The following SOX5 variants were observed in gnomAD, a reference collection of about 807,000 sequenced individuals.
The protein encoded by SOX5 is SRY-box transcription factor 5.
In SOX5, 9 loss-of-function variants were observed where a neutral mutation model predicts 92.0. The ratio of observed to expected loss-of-function variants is 0.10; its 90% CI spans 0.06 to 0.17. The LOEUF (loss-of-function observed/expected upper bound fraction) is 0.17, where lower values mean the gene tolerates loss of function less well. Ranked by LOEUF, SOX5 falls within the 10% of genes least tolerant of loss-of-function variation. SOX5 has a pLI of 1.00. For missense variants in SOX5, 642 were observed against 944.5 expected, an observed-to-expected ratio of 0.68 and a Z score of 4.20; for synonymous variants, 344 against 336.3, an observed-to-expected ratio of 1.02 and a Z score of -0.25.
chr12:23,781,203 T>C (rs2095271737), intron 3 of SOX5, among the ~76,000 whole-genome samples: 1 of 151,996 alleles, frequency 6.6e-6, no homozygotes, highest in Non-Finnish European at 1.5e-5. Context: ...AGCTCAACTT[T>C]TCTGTACTTC....
chr12:24,168,720 T>C (rs999009426), intron 4 of SOX5, among the ~76,000 whole-genome samples: 1 of 152,032 alleles, frequency 6.6e-6, no homozygotes, highest in Non-Finnish European at 1.5e-5. Flanking sequence ...TAATAGAGAA[T>C]AGAATTAGTA....
intron 2 of SOX5, among the ~76,000 whole-genome samples, chr12:24,339,521 T>TG (rs1437823742): frequency 3.3e-5 from 5 of 152,144 alleles, no homozygotes; most frequent in African/African-American, 1.2e-4. Flanking sequence ...TGTTAGAGAT[T>TG]GGGGGACTTA....
chr12:24,296,104 A>C (rs1220398586), intron 2 of SOX5, among the ~76,000 whole-genome samples: 2 of 152,128 alleles, frequency 1.3e-5, no homozygotes, highest in Non-Finnish European at 2.9e-5. Context: ...GTGCTGAAAA[A>C]CTTCATAATC....
chr12:24,415,011 G>C (rs1964775093), intron 1 of SOX5, among the ~76,000 whole-genome samples: 1 of 152,146 alleles, frequency 6.6e-6, no homozygotes, highest in Non-Finnish European at 1.5e-5. Context: ...GAAAGGGAAA[G>C]ACATGTAAAA....
At chr12:23,779,390 A>G (rs1044084110) in intron 3 of SOX5, among the ~76,000 whole-genome samples, 3 of 149,758 alleles carry the variant, frequency 2.0e-5, no homozygotes, top group African/African-American at 4.9e-5. Flanking sequence ...GAAATGTGCT[A>G]TCTAGTATGT....
chr12:23,550,436 A>T (rs1943972195), intron 11 of SOX5, among the ~76,000 whole-genome samples: 1 of 151,964 alleles, frequency 6.6e-6, no homozygotes, highest in South Asian at 2.1e-4. Flanking sequence ...AAATTTTAAG[A>T]TAGATATACT....
At chr12:23,849,201 C>T (rs1200137486) in intron 2 of SOX5, among the ~76,000 whole-genome samples, 1 of 152,134 alleles carries the variant, frequency 6.6e-6, no homozygotes, top group African/African-American at 2.4e-5. Flanking sequence ...GACATTTCAT[C>T]CTTGACTTCT....
rs141908422 is a variant in SOX5 at position 24,117,623 on chromosome 12, T to C, written c.-2+95720A>G. The stretch of plus-strand genomic sequence containing the variant: ...AAATATGGGATTATACACAGTAGCA[T>C]ACTATCCAGCGTTAGAATAGAAGGA... On this transcript the variant is annotated intron_variant, in intron 4 of 4. Transcript: ENST00000446891. 3.6e-3 allele frequency among the ~76,000 whole-genome samples: 553 copies of C among 152,278 alleles called. 1 individual carries two copies. Among genetic ancestry groups the C allele is most frequent in the Middle Eastern group, 0.014 (4 of 294 alleles).
chr12:23,652,569 C>G (rs1251185344), intron 7 of SOX5, among the ~76,000 whole-genome samples: 1 of 148,948 alleles, frequency 6.7e-6, no homozygotes, highest in Non-Finnish European at 1.5e-5. Flanking sequence ...ATAAGCTCCA[C>G]CTTCACATGT....
intron 4 of SOX5, among the ~76,000 whole-genome samples, chr12:24,036,838 A>T (rs1437966492): frequency 1.3e-5 from 2 of 152,210 alleles, no homozygotes; most frequent in African/African-American, 4.8e-5. Context: ...TAATGTTGGT[A>T]AACATATATA....
chr12:23,644,706 A>G (rs1447516850), intron 7 of SOX5, among the ~76,000 whole-genome samples: 4 of 152,244 alleles, frequency 2.6e-5, no homozygotes, highest in Non-Finnish European at 5.9e-5. Context: ...CCAATATTAC[A>G]TAATGGTGCT....
At chr12:23,919,748 A>G (rs1162398998) in intron 1 of SOX5, among the ~76,000 whole-genome samples, 3 of 152,148 alleles carry the variant, frequency 2.0e-5, no homozygotes, top group Admixed American at 6.5e-5. Context: ...TGAGCCTTTC[A>G]CCTCACAGTC....
intron 11 of SOX5, among the ~76,000 whole-genome samples, chr12:23,558,802 C>T (rs538109734): frequency 1.8e-4 from 27 of 152,238 alleles, no homozygotes; most frequent in East Asian, 1.5e-3. Context: ...GGGGTTTCTC[C>T]GTATTGGTCA....
In SOX5 at chr12:23,987,027, G is replaced by T. The variant is rs370329338; in HGVS notation, c.-1-91003C>A. Reference sequence around the variant, plus strand: ...GTAGTAGAGTTCAGTTCATTAACAGGTTTTACTTGCTATACATTTAAAAGA... The same window carrying T: ...GTAGTAGAGTTCAGTTCATTAACAGTTTTTACTTGCTATACATTTAAAAGA... On this transcript the variant is annotated intron_variant, in intron 4 of 4. Transcript: ENST00000446891. Among the ~76,000 whole-genome samples the T allele has an allele frequency of 6.6e-5, 10 of 152,200 alleles. No homozygotes were observed. The East Asian group carries it at 1.2e-3, about 18-fold the overall frequency.
chr12:24,336,938 G>A (rs1045963701), intron 2 of SOX5, among the ~76,000 whole-genome samples: 2 of 152,182 alleles, frequency 1.3e-5, no homozygotes, highest in East Asian at 1.9e-4. Context: ...TTTGTAAAAC[G>A]ACCTGCATTT....
At chr12:24,344,798 C>A (rs540476768) in intron 2 of SOX5, among the ~76,000 whole-genome samples, 1 of 152,040 alleles carries the variant, frequency 6.6e-6, no homozygotes, top group Non-Finnish European at 1.5e-5. Flanking sequence ...ACTTTAAAAG[C>A]AAAACTTGGG....
chr12:23,591,405 G>T (rs1481125603), intron 9 of SOX5, among the ~76,000 whole-genome samples: 1 of 152,054 alleles, frequency 6.6e-6, no homozygotes, highest in African/African-American at 2.4e-5. Context: ...TTCTAATGTG[G>T]TCCATCCTAT....
At chr12:24,483,692 G>T (rs955770938) in intron 1 of SOX5, among the ~76,000 whole-genome samples, 1 of 152,130 alleles carries the variant, frequency 6.6e-6, no homozygotes, top group Non-Finnish European at 1.5e-5. Flanking sequence ...AATTGTTCAC[G>T]TGAGCTGCTG....
intron 4 of SOX5, among the ~76,000 whole-genome samples, chr12:24,107,243 T>C (rs929278890): frequency 6.6e-6 from 1 of 152,150 alleles, no homozygotes; most frequent in Non-Finnish European, 1.5e-5. Context: ...GTGAGTATCT[T>C]TGGGGCAGCC....
Sources: gnomAD v4.1 joint callset for allele counts (sites outside exome capture counted in the v4.1 genomes callset) on GRCh38, gnomAD v4.1.1 for gene constraint, MANE v1.5 for transcripts, NCBI Gene and HGNC (gene_info 2026-07-23, HGNC 2026-07-21) for gene names.